HGSNAT: variants seen among roughly 807,000 people sequenced by gnomAD.
The protein encoded by HGSNAT is transmembrane protein 76.
In HGSNAT, 59 loss-of-function variants were observed where a neutral mutation model predicts 85.2. The ratio of observed to expected loss-of-function variants is 0.69; its 90% confidence interval spans 0.56 to 0.86. The LOEUF (loss-of-function observed/expected upper bound fraction) is 0.86, where lower values mean the gene tolerates loss of function less well. Ranked by LOEUF, HGSNAT falls within the 40% of genes least tolerant of loss-of-function variation. HGSNAT has a pLI of 0.00. For synonymous variants in HGSNAT, 321 were observed against 304.5 expected (o/e 1.05, Z -0.56); for missense variants, 756 against 777.1 (o/e 0.97, Z 0.32).
chr8:43,169,306 T>C (rs1803538606), intron 6 of HGSNAT, 64 bp downstream of exon 6: 1 of 1,049,630 alleles, frequency 9.5e-7, no homozygotes, highest in Non-Finnish European at 1.4e-6. Context: ...TTATAGTTTC[T>C]TATTTAATCA....
intron 4 of HGSNAT, among the ~76,000 whole-genome samples, chr8:43,159,326 G>C (rs1237341366): frequency 6.6e-6 from 1 of 152,170 alleles, no homozygotes. Context: ...GGTGGCTCAT[G>C]CTTGTAATCC....
At chr8:43,196,376 C>T in intron 14 of HGSNAT, 2 of 927,240 alleles carry the variant, frequency 2.2e-6, no homozygotes, top group South Asian at 1.4e-5. Context: ...TAAATGTTTC[C>T]CTGCCTCCCC....
At chr8:43,183,204 T>C (rs190975612) in intron 11 of HGSNAT, among the ~76,000 whole-genome samples, 188 of 152,364 alleles carry the variant, frequency 1.2e-3, no homozygotes, top group African/African-American at 4.4e-3. Context: ...TCTCACTCTG[T>C]TACCCAGGCT....
chr8:43,196,569 C>G, intron 14 of HGSNAT: 1 of 1,232,018 alleles, frequency 8.1e-7, no homozygotes, highest in South Asian at 1.3e-5. Context: ...TCCCCATGAC[C>G]TGGGCTTCTG....
intron 11 of HGSNAT, among the ~76,000 whole-genome samples, chr8:43,187,271 G>C (rs1804349960): frequency 6.6e-6 from 1 of 152,186 alleles, no homozygotes; most frequent in South Asian, 2.1e-4. Flanking sequence ...TATCATGTGG[G>C]AGTGTAAGTC....
chr8:43,176,995 G>T (rs1167767217), intron 9 of HGSNAT, among the ~76,000 whole-genome samples: 1 of 152,122 alleles, frequency 6.6e-6, no homozygotes, highest in African/African-American at 2.4e-5. Context: ...GCAAACAAGG[G>T]TACTTTGACT....
At chr8:43,180,110 C>CA (rs1424105496) in intron 10 of HGSNAT, among the ~76,000 whole-genome samples, 4 of 129,414 alleles carry the variant, frequency 3.1e-5, no homozygotes, top group African/African-American at 3.4e-5. Context: ...CGACCCCCCC[C>CA]CCCACCGCCT....
chr8:43,188,180 A>G (rs1394928875), intron 11 of HGSNAT, among the ~76,000 whole-genome samples: 1 of 151,962 alleles, frequency 6.6e-6, no homozygotes, highest in Non-Finnish European at 1.5e-5. Flanking sequence ...CTGAATTTGA[A>G]TGTTGGCCTG....
At chr8:43,168,648 C>T (rs185883332) in intron 5 of HGSNAT, among the ~76,000 whole-genome samples, 189 of 151,800 alleles carry the variant, frequency 1.2e-3, no homozygotes, top group African/African-American at 4.4e-3. Context: ...CCACCCACCT[C>T]GGCCCCCCAA....
chr8:43,194,324 G>A (rs1460523313), intron 14 of HGSNAT: 6 of 881,118 alleles, frequency 6.8e-6, no homozygotes, highest in Middle Eastern at 5.7e-4. Context: ...CTTGAACCAA[G>A]GAGGTTGAGG....
chr8:43,155,921 G>A (rs1000212295), intron 2 of HGSNAT, among the ~76,000 whole-genome samples: 7 of 151,656 alleles, frequency 4.6e-5, no homozygotes, highest in Admixed American at 2.0e-4. Flanking sequence ...GCTTACTGCA[G>A]CCTCTGTCTT....
At position 43,140,619 on chromosome 8, in the gene HGSNAT, G is replaced by A. The variant is rs1174944521; in HGVS notation, c.118+5G>A. On this transcript the variant is annotated splice_donor_5th_base_variant and intron_variant, in intron 1 of 17. Coordinates refer to ENST00000379644, the MANE Select transcript of HGSNAT (RefSeq NM_152419.3). ...CCCAGGCCGCGCCGCCACGAGGTGA[G>A]TGCACACCTCCTACCGCCGCCCGGC... 1 of 1,229,780 alleles carries A rather than the reference G, an allele frequency of 8.1e-7. No individual in the cohort carries two copies. Among genetic ancestry groups the A allele is most frequent in the Non-Finnish European group, 1.0e-6 (1 of 972,332 alleles). The allele number at this position is 1,229,780 out of a possible 1,614,324, so 76.2% of individuals were successfully genotyped here. A position where few individuals can be genotyped will look rare whatever the true frequency, so the allele number is the denominator to read the frequency against.
intron 1 of HGSNAT, among the ~76,000 whole-genome samples, chr8:43,144,038 G>A (rs1586694899): frequency 6.6e-6 from 1 of 152,194 alleles, no homozygotes; most frequent in African/African-American, 2.4e-5. Flanking sequence ...TTACTCTTGG[G>A]CCCGGTGTGG....
At chr8:43,174,133 C>T (rs1465473344) in intron 9 of HGSNAT, 1 of 158,360 alleles carries the variant, frequency 6.3e-6, no homozygotes, top group Non-Finnish European at 1.4e-5. Context: ...AGGAGAATCA[C>T]TTGAACCCAG....
At chr8:43,141,056 A>G (rs1802511597) in intron 1 of HGSNAT, among the ~76,000 whole-genome samples, 1 of 152,154 alleles carries the variant, frequency 6.6e-6, no homozygotes, top group African/African-American at 2.4e-5. Context: ...CCCTTCCCTG[A>G]GGGCCTCGCC....
At chr8:43,170,788 A>T (rs1253269465) in intron 7 of HGSNAT, 94 bp downstream of exon 7, 1 of 748,202 alleles carries the variant, frequency 1.3e-6, no homozygotes, top group African/African-American at 1.8e-5. Context: ...GGACTTTTAC[A>T]TATCTTTTAC....
chr8:43,158,918 T>C lies in HGSNAT; in HGVS notation c.372-5T>C. ...ACTTGTCTTAATTTTACCTAATGTT[T>C]GTAGGTTGGAATACAGATTTGGAGA... On this transcript the variant is annotated splice_region_variant and splice_polypyrimidine_tract_variant and intron_variant, in intron 3 of 17. Coordinates refer to ENST00000379644, the MANE Select transcript of HGSNAT (RefSeq NM_152419.3). 1 of 1,602,872 alleles carries C rather than the reference T, an allele frequency of 6.2e-7. No homozygotes were observed. Among genetic ancestry groups the C allele is most frequent in the Non-Finnish European group, 8.5e-7 (1 of 1,173,568 alleles).
At chr8:43,153,218 TAGAGTATTATA>T (rs2130699238) in intron 2 of HGSNAT, among the ~76,000 whole-genome samples, 1 of 152,284 alleles carries the variant, frequency 6.6e-6, no homozygotes, top group South Asian at 2.1e-4. Context: ...TGTAAGAACC[TAGAGTATTATA>T]ACTAAGACCA....
At chr8:43,141,171 A>T (rs955030087) in intron 1 of HGSNAT, among the ~76,000 whole-genome samples, 2 of 152,152 alleles carry the variant, frequency 1.3e-5, no homozygotes, top group Non-Finnish European at 2.9e-5. Flanking sequence ...ACCTGCGTGG[A>T]TGTGCGGCGG....
Sources: allele counts gnomAD v4.1 joint callset (sites outside exome capture counted in the v4.1 genomes callset), GRCh38; gene constraint gnomAD v4.1.1; transcripts MANE v1.5; gene names NCBI Gene and HGNC (gene_info 2026-07-23, HGNC 2026-07-21).